PHF21A: variants seen among roughly 807,000 people sequenced by gnomAD.
PHF21A encodes PHD finger protein 21A, also known as BHC80a.
In PHF21A, 11 loss-of-function variants were observed where a neutral mutation model predicts 82.5. The ratio of observed to expected loss-of-function variants is 0.13; its 90% confidence interval spans 0.08 to 0.22. The LOEUF is 0.22. Among genes scored for constraint, PHF21A ranks in the 10% least tolerant of loss-of-function variants. PHF21A has a pLI of 1.00. For missense variants in PHF21A, 579 were observed against 837.8 expected (o/e 0.69, Z 3.81); for synonymous variants, 297 against 302.8 (o/e 0.98, Z 0.20).
chr11:46,114,103 A>ACACACG (rs746790251), intron 1 of PHF21A, among the ~76,000 whole-genome samples: 21 of 150,472 alleles, frequency 1.4e-4, no homozygotes, highest in African/African-American at 5.1e-4. Context: ...ACACACACAC[A>ACACACG]CGCACACATC....
intron 6 of PHF21A, among the ~76,000 whole-genome samples, chr11:46,004,518 A>G (rs1450910570): frequency 6.6e-6 from 1 of 152,210 alleles, no homozygotes; most frequent in Non-Finnish European, 1.5e-5. Context: ...GTAAGTGACA[A>G]TATTTCATAA....
intron 6 of PHF21A, among the ~76,000 whole-genome samples, chr11:46,017,748 T>G (rs2095545175): frequency 6.6e-6 from 1 of 152,214 alleles, no homozygotes; most frequent in South Asian, 2.1e-4. Flanking sequence ...TTGATAAATA[T>G]GTAGACTGAT....
At chr11:46,037,701 CT>C (rs1212606156) in intron 6 of PHF21A, among the ~76,000 whole-genome samples, 1 of 143,198 alleles carries the variant, frequency 7.0e-6, no homozygotes, top group Non-Finnish European at 1.5e-5. Flanking sequence ...TTGTAAGTAA[CT>C]TTTTTGGTGG....
At chr11:45,947,430 A>T (rs2091464367) in intron 14 of PHF21A, among the ~76,000 whole-genome samples, 1 of 152,236 alleles carries the variant, frequency 6.6e-6, no homozygotes, top group South Asian at 2.1e-4. Flanking sequence ...AAGAGTCATG[A>T]TTCTGTCAGA....
In PHF21A at chr11:46,084,242, T is replaced by C. The variant is rs2096828920; in HGVS notation, c.-23A>G. 2 of 1,582,122 alleles carry C rather than the reference T, an allele frequency of 1.3e-6. No individual in the cohort carries two copies. Among genetic ancestry groups the C allele is most frequent in the African/African-American group, 2.7e-5 (2 of 72,962 alleles). ...CATCCTCTACCTTCTCCACTTTCTC[T>C]GCTAATTCTATAGTTTCTTCAGCCT... On this transcript the variant is annotated 5_prime_UTR_variant, in exon 4 of 19. Coordinates refer to ENST00000676320, the MANE Select transcript of PHF21A (RefSeq NM_001352027.3).
At chr11:45,998,756 C>G (rs970585186) in intron 6 of PHF21A, among the ~76,000 whole-genome samples, 1 of 151,802 alleles carries the variant, frequency 6.6e-6, no homozygotes, top group African/African-American at 2.4e-5. Context: ...AAGTCATCCA[C>G]CTACCTCGGC....
At chr11:46,001,491 T>C (rs1462875754) in intron 6 of PHF21A, among the ~76,000 whole-genome samples, 1 of 152,082 alleles carries the variant, frequency 6.6e-6, no homozygotes, top group Non-Finnish European at 1.5e-5. Context: ...CTCCAGTTGG[T>C]GTCTCCGTCA....
At position 45,933,964 on chromosome 11, in the gene PHF21A, T is replaced by G. The variant is rs754945730; in HGVS notation, c.*4A>C. 6.5e-7 allele frequency: 1 copy of G among 1,534,656 alleles called. No homozygotes were observed. The highest frequency in any genetic ancestry group is 2.1e-5 in the Admixed American group (1 of 46,956). On this transcript the variant is annotated 3_prime_UTR_variant, in exon 19 of 19. Coordinates refer to ENST00000676320, the MANE Select transcript of PHF21A (RefSeq NM_001352027.3). Reference sequence around the variant, plus strand: ...ATCCCGTGGCTTCTCCTAGAGGGGCTCTGTTATTTAGTCTCTTCCCCCTGG... The same window carrying G: ...ATCCCGTGGCTTCTCCTAGAGGGGCGCTGTTATTTAGTCTCTTCCCCCTGG...
chr11:45,996,645 A>G (rs1021995689), intron 6 of PHF21A, among the ~76,000 whole-genome samples: 7 of 152,254 alleles, frequency 4.6e-5, no homozygotes, highest in African/African-American at 1.7e-4. Context: ...GGCTAGGTGT[A>G]CATGCTTGAG....
intron 9 of PHF21A, among the ~76,000 whole-genome samples, chr11:45,968,779 A>T (rs966405062): frequency 6.6e-6 from 1 of 151,720 alleles, no homozygotes; most frequent in Non-Finnish European, 1.5e-5. Flanking sequence ...AAAATACAAA[A>T]ATTAGCCGGG....
intron 1 of PHF21A, among the ~76,000 whole-genome samples, chr11:46,094,714 T>C: frequency 6.6e-6 from 1 of 151,998 alleles, no homozygotes; most frequent in Non-Finnish European, 1.5e-5. Flanking sequence ...ATAATAATTA[T>C]TTCGTAGAAG....
chr11:46,024,173 TCTC>T (rs1033976053), intron 6 of PHF21A, among the ~76,000 whole-genome samples: 8 of 152,138 alleles, frequency 5.3e-5, no homozygotes, highest in South Asian at 2.1e-4. Context: ...CCTCTTTCTT[TCTC>T]CTCCTTCCCA....
Position 45,932,598 on chromosome 11 carries a change from G to C in PHF21A, c.*1370C>G, listed in dbSNP as rs552248135. 3 of 152,646 alleles carry C rather than the reference G, an allele frequency of 2.0e-5. No homozygotes were observed. Among genetic ancestry groups the C allele is most frequent in the South Asian group, 4.2e-4 (2 of 4,818 alleles). 9.5% of individuals were successfully genotyped at this position (152,646 alleles called of 1,614,324 possible). A position where few individuals can be genotyped will look rare whatever the true frequency, so the allele number is the denominator to read the frequency against. On this transcript the variant is annotated 3_prime_UTR_variant, in exon 19 of 19. Transcript: ENST00000676320. This position sits in a 1 kb window ranked among gnomAD's most constrained non-coding sequence, Gnocchi z 4.3. ...TGACACCTTTTTAATAGAAATCACT[G>C]TTTTTAGGAAACAAATAGCACTTTT...
chr11:46,049,854 CG>C (rs989407767), intron 6 of PHF21A, among the ~76,000 whole-genome samples: 63 of 478 alleles, frequency 0.13, no homozygotes, highest in African/African-American at 0.26. Context: ...CTAAAAACAA[CG>C]TTAAGACTAT....
At chr11:46,007,841 C>T (rs180750369) in intron 6 of PHF21A, among the ~76,000 whole-genome samples, 1 of 152,204 alleles carries the variant, frequency 6.6e-6, no homozygotes, top group Admixed American at 6.5e-5. Context: ...AATTTTAGAA[C>T]AAGGGACTTT....
intron 6 of PHF21A, among the ~76,000 whole-genome samples, chr11:46,074,510 T>C (rs2096702325): frequency 6.6e-6 from 1 of 152,068 alleles, no homozygotes. Flanking sequence ...ATAAAACTAT[T>C]TTATTTTTTT....
intron 6 of PHF21A, among the ~76,000 whole-genome samples, chr11:45,987,487 C>G (rs2094533875): frequency 2.0e-5 from 3 of 151,202 alleles, no homozygotes; most frequent in African/African-American, 7.3e-5. Context: ...TGGTGAAACT[C>G]CGTCTCTACT....
chr11:46,097,212 T>A (rs1369828033), intron 1 of PHF21A, among the ~76,000 whole-genome samples: 4 of 152,154 alleles, frequency 2.6e-5, no homozygotes, highest in Non-Finnish European at 4.4e-5. Flanking sequence ...AGTAAGCTTT[T>A]CAAAATCCAA....
intron 5 of PHF21A, among the ~76,000 whole-genome samples, chr11:46,078,192 A>G (rs564213475): frequency 4.6e-5 from 7 of 152,348 alleles, no homozygotes; most frequent in African/African-American, 1.4e-4. Context: ...ACGGGCTACC[A>G]ATGCCAGCTC....
Sources: allele counts gnomAD v4.1 joint callset (sites outside exome capture counted in the v4.1 genomes callset), GRCh38; gene constraint gnomAD v4.1.1; non-coding constraint Gnocchi (gnomAD v3.1); transcripts MANE v1.5; gene names NCBI Gene and HGNC (gene_info 2026-07-23, HGNC 2026-07-21).